Variants in LRP1B observed in about 807,000 individuals in gnomAD.
LRP1B encodes low-density lipoprotein receptor-related protein 1B.
In LRP1B, 217 loss-of-function variants were observed where a neutral mutation model predicts 556.6. That is an observed-to-expected ratio of 0.39 (90% CI 0.35 to 0.44). The LOEUF (loss-of-function observed/expected upper bound fraction) is 0.44. Among genes scored for constraint, LRP1B ranks in the 20% least tolerant of loss-of-function variants. The pLI, the probability that LRP1B is intolerant of heterozygous loss-of-function variation, is 1.00. For missense variants in LRP1B, 5,053 were observed against 5,620.8 expected, an observed-to-expected ratio of 0.90 and a Z score of 3.23; for synonymous variants, 2,047 against 1,865.8, an observed-to-expected ratio of 1.10 and a Z score of -2.50.
At chr2:141,644,729 T>TCACACACACACACACA (rs3039268) in intron 2 of LRP1B, among the ~76,000 whole-genome samples, 16 of 141,616 alleles carry the variant, frequency 1.1e-4, no homozygotes, top group African/African-American at 4.3e-4. Context: ...CAGTCATTGA[T>TCACACACACACACACA]CACACACACA....
chr2:141,094,833 C>T (rs539350026), intron 7 of LRP1B, among the ~76,000 whole-genome samples: 6 of 152,242 alleles, frequency 3.9e-5, no homozygotes, highest in African/African-American at 1.4e-4. Flanking sequence ...AGCTCAGATT[C>T]AAGCCATTCA....
intron 41 of LRP1B, among the ~76,000 whole-genome samples, chr2:140,697,336 G>C (rs6721343): frequency 0.84 from 127,146 of 152,070 alleles, 53,207 homozygotes; most frequent in Middle Eastern, 0.87. Context: ...AACCCTTACA[G>C]TTCATCAGAC....
chr2:141,573,031 C>G (rs1686592691), intron 2 of LRP1B, among the ~76,000 whole-genome samples: 1 of 152,144 alleles, frequency 6.6e-6, no homozygotes, highest in South Asian at 2.1e-4. Flanking sequence ...CAGTATTAGA[C>G]AGATCAATGA....
intron 12 of LRP1B, among the ~76,000 whole-genome samples, chr2:141,019,665 TA>T (rs1698009556): frequency 6.6e-6 from 1 of 152,060 alleles, no homozygotes; most frequent in Non-Finnish European, 1.5e-5. Flanking sequence ...AGTACAGAAT[TA>T]TAGTGCTAAT....
At chr2:142,079,499 CTTTTT>C (rs56306746) in intron 1 of LRP1B, among the ~76,000 whole-genome samples, 3,506 of 151,042 alleles carry the variant, frequency 0.023, 59 homozygotes, top group African/African-American at 0.04. Flanking sequence ...CTTTCTTTCT[CTTTTT>C]TTTTATTTTT....
intron 23 of LRP1B, among the ~76,000 whole-genome samples, chr2:140,888,953 T>A: frequency 7.3e-6 from 1 of 136,276 alleles, no homozygotes; most frequent in African/African-American, 3.0e-5. Flanking sequence ...ATAAAGTGAG[T>A]CTGTCTCAAA....
chr2:140,291,531 G>A (rs1683389766), intron 84 of LRP1B, among the ~76,000 whole-genome samples: 2 of 151,090 alleles, frequency 1.3e-5, no homozygotes, highest in East Asian at 2.0e-4. Context: ...TCATTGTTCA[G>A]TTCCCACCCA....
intron 1 of LRP1B, among the ~76,000 whole-genome samples, chr2:141,986,452 G>A (rs1284393580): frequency 6.6e-6 from 1 of 151,814 alleles, no homozygotes; most frequent in Admixed American, 6.6e-5. Context: ...TCAGAGACAA[G>A]AACAGTTAGC....
intron 60 of LRP1B, 139 bp downstream of exon 60, chr2:140,474,999 A>C (rs1687911287): frequency 3.1e-6 from 1 of 326,944 alleles, no homozygotes; most frequent in African/African-American, 2.2e-5. Context: ...ATTTACCAAT[A>C]TTTTTATAAA....
In LRP1B at chr2:140,908,059, GC is replaced by G. The variant is rs1694307618; in HGVS notation, c.3337del (p.Ala1113HisfsTer66). ...CWSTGRCINK[A>X]WVCDGDIDCE... ...ATCAATATCTCCATCACACACCCAT[GC>G]TTTGTTGATGCATCTCCCTTAAGAA... On this transcript the variant is annotated frameshift_variant, in exon 22 of 91. Transcript: ENST00000389484. LOFTEE classifies it high-confidence loss of function. The G allele has an allele frequency of 6.2e-7, 1 of 1,612,934 alleles. No individual in the cohort carries two copies. The highest frequency in any genetic ancestry group is 1.3e-5 in the African/African-American group (1 of 74,840).
At chr2:142,047,307 C>A (rs958205924) in intron 1 of LRP1B, among the ~76,000 whole-genome samples, 23 of 151,872 alleles carry the variant, frequency 1.5e-4, no homozygotes, top group African/African-American at 5.3e-4. Context: ...TTTGCTTGTT[C>A]CCATGTGTAG....
At chr2:141,429,618 C>A (rs939463134) in intron 3 of LRP1B, among the ~76,000 whole-genome samples, 5 of 152,154 alleles carry the variant, frequency 3.3e-5, no homozygotes, top group Non-Finnish European at 5.9e-5. Flanking sequence ...ATGAACTATT[C>A]TTCCTGATGC....
intron 3 of LRP1B, among the ~76,000 whole-genome samples, chr2:141,477,951 A>G (rs1314634779): frequency 1.3e-5 from 1 of 74,912 alleles, no homozygotes; most frequent in African/African-American, 4.3e-5. Context: ...TGCAAACTAA[A>G]CCTCCTACTG....
intron 7 of LRP1B, among the ~76,000 whole-genome samples, chr2:141,133,561 G>A (rs1038090750): frequency 6.6e-6 from 1 of 151,922 alleles, no homozygotes; most frequent in African/African-American, 2.4e-5. Context: ...CTATAAAGCA[G>A]GCAGAACTCT....
chr2:141,698,626 T>C (rs1223840421), intron 2 of LRP1B, among the ~76,000 whole-genome samples: 2 of 151,806 alleles, frequency 1.3e-5, no homozygotes, highest in Admixed American at 1.3e-4. Context: ...TTCCATAGTC[T>C]ATTAAACCCC....
chr2:140,271,123 T>C (rs2104945509), intron 85 of LRP1B, among the ~76,000 whole-genome samples: 1 of 151,946 alleles, frequency 6.6e-6, no homozygotes, highest in Admixed American at 6.6e-5. Flanking sequence ...ACGCAGACAT[T>C]TTTTACTTGC....
At position 140,982,089 on chromosome 2, in the gene LRP1B, A is replaced by C. The variant is rs1352390974; in HGVS notation, c.2887+71T>G. 17 of 1,190,228 alleles carry C rather than the reference A, an allele frequency of 1.4e-5. No individual in the cohort carries two copies. In the East Asian group the frequency reaches 3.8e-4, roughly 26 times the overall value. 73.7% of individuals were successfully genotyped at this position (1,190,228 alleles called of 1,614,324 possible). Reference sequence around the variant, plus strand: ...TCATAAAGAAATAAATAGCCCTTTAAGGAGGGTGTAGTGGTAGGGTATCCT... The same window carrying C: ...TCATAAAGAAATAAATAGCCCTTTACGGAGGGTGTAGTGGTAGGGTATCCT... On this transcript the variant is annotated intron_variant, in intron 18 of 90. Transcript: ENST00000389484.
intron 7 of LRP1B, among the ~76,000 whole-genome samples, chr2:141,096,681 A>G (rs1436896612): frequency 1.3e-4 from 17 of 130,550 alleles, no homozygotes; most frequent in East Asian, 1.1e-3. Context: ...AGAGAGAGAG[A>G]GAGAGAGAGA....
At chr2:141,427,934 CT>C (rs1157934077) in intron 3 of LRP1B, among the ~76,000 whole-genome samples, 1 of 152,088 alleles carries the variant, frequency 6.6e-6, no homozygotes, top group African/African-American at 2.4e-5. Flanking sequence ...AGACTGAGCA[CT>C]TTTTTATAAA....
Sources: gnomAD v4.1 joint callset for allele counts (sites outside exome capture counted in the v4.1 genomes callset) on GRCh38, gnomAD v4.1.1 for gene constraint, MANE v1.5 for transcripts, NCBI Gene and HGNC (gene_info 2026-07-23, HGNC 2026-07-21) for gene names.